Variants in MDM1 observed in about 807,000 individuals in gnomAD.
MDM1 encodes the protein Mdm1 nuclear protein.
MDM1 carries 61 observed loss-of-function variants against 89.1 expected under a neutral mutation model. That is an observed-to-expected ratio of 0.68 (90% CI 0.56 to 0.85). The LOEUF is 0.85. MDM1 is among the 40% of genes least tolerant of loss of function. MDM1 has a pLI of 0.00. For missense variants in MDM1, 820 were observed against 846.5 expected (o/e 0.97, Z 0.39); for synonymous variants, 290 against 294.1 (o/e 0.99, Z 0.14).
intron 7 of MDM1, among the ~76,000 whole-genome samples, chr12:68,320,809 T>G (rs540461204): frequency 6.6e-6 from 1 of 152,316 alleles, no homozygotes; most frequent in East Asian, 1.9e-4. Flanking sequence ...AGTACTAAAG[T>G]AGCAATTCTC....
chr12:68,312,189 C>A (rs1398550654), intron 12 of MDM1, among the ~76,000 whole-genome samples: 5 of 152,162 alleles, frequency 3.3e-5, no homozygotes, highest in Admixed American at 2.6e-4. Context: ...CTATAAAGAG[C>A]CTCAAATCTG....
intron 1 of MDM1, 120 bp from the exon 2 acceptor site, chr12:68,331,341 C>G: frequency 1.4e-6 from 1 of 690,402 alleles, no homozygotes; most frequent in Non-Finnish European, 2.6e-6. Context: ...AAATTAAACA[C>G]AGACGAGCTC....
chr12:68,298,634 C>T (rs527677916), intron 13 of MDM1, among the ~76,000 whole-genome samples: 1 of 152,232 alleles, frequency 6.6e-6, no homozygotes, highest in East Asian at 1.9e-4. Flanking sequence ...AGTCACAATT[C>T]CTATCTACTT....
intron 12 of MDM1, among the ~76,000 whole-genome samples, chr12:68,311,933 G>A (rs1188995131): frequency 1.3e-5 from 2 of 152,022 alleles, no homozygotes; most frequent in African/African-American, 4.8e-5. Flanking sequence ...ATAAGCAATT[G>A]TCCTATCTTA....
intron 2 of MDM1, among the ~76,000 whole-genome samples, chr12:68,327,782 T>C (rs544256003): frequency 3.3e-5 from 5 of 152,296 alleles, no homozygotes; most frequent in African/African-American, 7.2e-5. Flanking sequence ...GCCTCTGTTG[T>C]AGATGTCTTG....
Position 68,331,201 on chromosome 12 carries a change from C to G in MDM1, c.39G>C (p.Arg13Ser), listed in dbSNP as rs756788610. Residue 13 changes from arginine (R) to serine (S), a missense_variant, in exon 2 of 15, where the codon AGG becomes AGC. Physicochemically the swap from Arg to Ser is moderately radical, Grantham distance 110. Transcript: ENST00000682720. ...VRFKGLSEYQ[R>S]NFLWKKSYLS... ...AATAAGACTTTTTCCACAGGAAGTT[C>G]CTCTGGTATTCACTCAGCCCCTGTA... The G allele has an allele frequency of 3.7e-6, 6 of 1,603,044 alleles. No individual in the cohort carries two copies. Among genetic ancestry groups the G allele is most frequent in the Non-Finnish European group, 5.1e-6 (6 of 1,169,876 alleles).
Position 68,326,949 on chromosome 12 carries a change from A to G in MDM1, c.206T>C (p.Leu69Pro). The G allele has an allele frequency of 6.2e-7, 1 of 1,613,922 alleles. No individual in the cohort carries two copies. Among genetic ancestry groups the G allele is most frequent in the East Asian group, 2.2e-5 (1 of 44,880 alleles). Reference protein sequence around the residue: ...PYHDPQISKSLEWNGAISESN... With the variant: ...PYHDPQISKSPEWNGAISESN... ...CTCTGAGATAGCTCCATTCCACTCC[A>G]GAGATTTTGAAATCTGTGGGTCATG... Residue 69 changes from leucine (L) to proline (P), a missense_variant, in exon 3 of 15, where the codon CTG becomes CCG. Physicochemically the swap from Leu to Pro is moderately conservative, Grantham distance 98 (BLOSUM62 -3). Coordinates refer to ENST00000682720, the MANE Select transcript of MDM1 (RefSeq NM_001354969.2).
intron 10 of MDM1, among the ~76,000 whole-genome samples, chr12:68,314,005 C>G (rs1015520013): frequency 4.0e-5 from 6 of 151,880 alleles, no homozygotes; most frequent in Non-Finnish European, 1.5e-5. Context: ...GGTGTGGTGG[C>G]GGGCACCTGT....
chr12:68,307,664 G>A (rs1047123085), intron 12 of MDM1, among the ~76,000 whole-genome samples: 2 of 151,876 alleles, frequency 1.3e-5, no homozygotes, highest in Non-Finnish European at 2.9e-5. Flanking sequence ...TGGGCCAGAT[G>A]TGGTGGTTGT....
chr12:68,302,638 G>C lies in MDM1; in HGVS notation c.1984C>G (p.Pro662Ala), dbSNP rs1386878601. 1 of 1,611,762 alleles carries C rather than the reference G, an allele frequency of 6.2e-7. No homozygotes were observed. Among genetic ancestry groups the C allele is most frequent in the African/African-American group, 1.3e-5 (1 of 74,748 alleles). Reference sequence around the variant, plus strand: ...TAATTACCATTGTGCTGAAACTCTGGATCTCTAAGAGAGCCCTGAATTCGT... The same window carrying C: ...TAATTACCATTGTGCTGAAACTCTGCATCTCTAAGAGAGCCCTGAATTCGT... ...SRRIQGSLRDPEFQHNVGKAR... is the reference protein window; with the variant it reads ...SRRIQGSLRDAEFQHNVGKAR... The change falls in exon 13 of 15, where the codon CCA becomes GCA. Residue 662 changes from proline (P) to alanine (A), a missense_variant. Coordinates refer to ENST00000682720, the MANE Select transcript of MDM1 (RefSeq NM_001354969.2).
At chr12:68,314,386 C>A (rs965901770) in intron 10 of MDM1, among the ~76,000 whole-genome samples, 2 of 152,112 alleles carry the variant, frequency 1.3e-5, no homozygotes, top group African/African-American at 2.4e-5. Flanking sequence ...GCCAAGTCAG[C>A]ACCGGCACAG....
chr12:68,306,280 A>C (rs1872879634), intron 12 of MDM1, among the ~76,000 whole-genome samples: 1 of 151,566 alleles, frequency 6.6e-6, no homozygotes, highest in Non-Finnish European at 1.5e-5. Context: ...GATGGATTAA[A>C]GACTTCAATG....
At chr12:68,314,298 A>G (rs1473596849) in intron 10 of MDM1, among the ~76,000 whole-genome samples, 2 of 152,200 alleles carry the variant, frequency 1.3e-5, no homozygotes, top group Admixed American at 6.5e-5. Context: ...AATATAAGCT[A>G]TATCAACTAT....
chr12:68,328,811 T>A (rs1270242689), intron 2 of MDM1, among the ~76,000 whole-genome samples: 3 of 152,162 alleles, frequency 2.0e-5, no homozygotes, highest in Admixed American at 2.0e-4. Context: ...ACAGCCATCC[T>A]CGGTAACACT....
At chr12:68,305,965 G>GAAA (rs919831808) in intron 12 of MDM1, among the ~76,000 whole-genome samples, 1 of 135,138 alleles carries the variant, frequency 7.4e-6, no homozygotes, top group African/African-American at 2.7e-5. Context: ...AAAAAAAAAG[G>GAAA]AAAAAAAAAA....
chr12:68,304,178 A>C (rs1218484621), intron 12 of MDM1, among the ~76,000 whole-genome samples: 12 of 152,208 alleles, frequency 7.9e-5, no homozygotes, highest in Non-Finnish European at 2.9e-5. Context: ...TGGGAGGCCG[A>C]GACGGGAGGA....
Position 68,326,910 on chromosome 12 carries a change from G to C in MDM1, c.245C>G (p.Ala82Gly). 1 of 1,614,086 alleles carries C rather than the reference G, an allele frequency of 6.2e-7. No homozygotes were observed. Among genetic ancestry groups the C allele is most frequent in the Non-Finnish European group, 8.5e-7 (1 of 1,179,992 alleles). ...TTCCGGGGCTTCTGGTTCTGGTGAT[G>C]CAACCACATTGCTCTCTGAGATAGC... is the stretch of plus-strand genomic sequence containing the variant. The part of the protein sequence containing the change: ...NGAISESNVV[A>G]SPEPEAPETP... The change falls in exon 3 of 15, where the codon GCA (alanine) becomes GGA (glycine). Residue 82 changes from alanine to glycine, a missense_variant. Ala to Gly is a moderately conservative substitution (Grantham distance 60). Coordinates refer to ENST00000682720, the MANE Select transcript of MDM1 (RefSeq NM_001354969.2).
intron 4 of MDM1, 24 bp downstream of exon 4, chr12:68,325,417 A>G (rs1875821297): frequency 2.0e-6 from 3 of 1,484,188 alleles, no homozygotes; most frequent in Non-Finnish European, 2.7e-6. Flanking sequence ...GGTACTCAGA[A>G]ATGTATTACA....
At chr12:68,311,694 C>T (rs1432156713) in intron 12 of MDM1, among the ~76,000 whole-genome samples, 2 of 152,210 alleles carry the variant, frequency 1.3e-5, no homozygotes, top group Non-Finnish European at 2.9e-5. Context: ...TGTCAACATA[C>T]AAACATGCTG....
Sources: allele counts gnomAD v4.1 joint callset (sites outside exome capture counted in the v4.1 genomes callset), GRCh38; gene constraint gnomAD v4.1.1; transcripts MANE v1.5; gene names NCBI Gene and HGNC (gene_info 2026-07-23, HGNC 2026-07-21).